RFX8: variants seen among roughly 807,000 people sequenced by gnomAD.
The protein encoded by RFX8 is DNA-binding protein RFX8.
Under a neutral mutation model 54.6 loss-of-function variants are expected in RFX8, and 46 were observed. That is an observed-to-expected ratio of 0.84 (90% CI 0.67 to 1.08). The LOEUF (loss-of-function observed/expected upper bound fraction) is 1.08, where lower values mean the gene tolerates loss of function less well. RFX8 is among the 50% of genes least tolerant of loss of function. RFX8 has a pLI of 0.00. For synonymous variants in RFX8, 192 were observed against 209.5 expected (o/e 0.92, Z 0.72); for missense variants, 536 against 562.3 (o/e 0.95, Z 0.47).
At chr2:101,410,894 G>A (rs746688877) in intron 8 of RFX8, among the ~76,000 whole-genome samples, 181 bp from the exon 9 acceptor site, 2 of 152,100 alleles carry the variant, frequency 1.3e-5, no homozygotes, top group African/African-American at 2.4e-5. Context: ...TCACTTCTGC[G>A]GTCATCTATT....
chr2:101,417,648 C>A lies in RFX8; in HGVS notation c.388G>T (p.Asp130Tyr). Residue 130 changes from aspartate (D) to tyrosine (Y), a missense_variant, in exon 6 of 12, where the codon GAT becomes TAT. Asp to Tyr is a radical substitution (Grantham distance 160, BLOSUM62 -3). Transcript: ENST00000428343. ...GATTTCAGGTACTGAATAGAAACAT[C>A]TTCCAAGAAGTCATGAAGGAGAACA... ...EDVLLHDFLE[D>Y]VSIQYLKSVQ... 6.5e-7 allele frequency: 1 copy of A among 1,550,204 alleles called. No individual in the cohort carries two copies. Among genetic ancestry groups the A allele is most frequent in the Non-Finnish European group, 8.7e-7 (1 of 1,146,472 alleles).
At chr2:101,469,999 G>A (rs1480224187) in intron 1 of RFX8, among the ~76,000 whole-genome samples, 3 of 152,104 alleles carry the variant, frequency 2.0e-5, no homozygotes, top group East Asian at 3.9e-4. Flanking sequence ...AAGCCAAATC[G>A]CAGAGACTGA....
rs1221541583 is a variant in RFX8 at position 101,412,997 on chromosome 2, T to C, written c.636A>G (p.Gln212=). The change falls in exon 8 of 12, where the codon CAA becomes CAG. Residue 212 remains glutamine, a synonymous_variant. Coordinates refer to ENST00000428343, the MANE Select transcript of RFX8 (RefSeq NM_001145664.2). ...CTTTCTTAGAAGTAGCCAAAGTGCC[T>C]TGATTGATGATGGCCTGTAGATCTG... ...LKSDLQAIIN[Q]GTLATSKKAL... 6.4e-7 allele frequency: 1 copy of C among 1,552,014 alleles called. No homozygotes were observed.
Position 101,466,762 on chromosome 2 carries a change from T to C in RFX8, c.72+15A>G. Reference sequence around the variant, plus strand: ...CACTCAGTGAATAGAGCGTTCTTAATCTTCAACAACTTACCTTCCCAAAGG... The same window carrying C: ...CACTCAGTGAATAGAGCGTTCTTAACCTTCAACAACTTACCTTCCCAAAGG... On this transcript the variant is annotated intron_variant, in intron 2 of 11. Transcript: ENST00000428343. 2 of 1,540,132 alleles carry C rather than the reference T, an allele frequency of 1.3e-6. No individual in the cohort carries two copies. The highest frequency in any genetic ancestry group is 2.4e-5 in the South Asian group (2 of 83,842).
At chr2:101,464,052 C>A (rs925936493) in intron 2 of RFX8, among the ~76,000 whole-genome samples, 35 of 152,178 alleles carry the variant, frequency 2.3e-4, no homozygotes, top group African/African-American at 8.0e-4. Context: ...TGAGGAAGAA[C>A]CAGCCACTGG....
intron 11 of RFX8, among the ~76,000 whole-genome samples, chr2:101,401,061 C>T (rs1488983958): frequency 2.6e-5 from 4 of 152,204 alleles, no homozygotes; most frequent in Non-Finnish European, 5.9e-5. Flanking sequence ...CTGCTGCATC[C>T]TTCATCGACC....
intron 2 of RFX8, among the ~76,000 whole-genome samples, chr2:101,465,034 G>A (rs1689497817): frequency 6.6e-6 from 1 of 152,114 alleles, no homozygotes; most frequent in Non-Finnish European, 1.5e-5. Flanking sequence ...TGATGAAATG[G>A]CAAAATATGA....
intron 2 of RFX8, among the ~76,000 whole-genome samples, chr2:101,433,026 C>T (rs1354571130): frequency 1.3e-5 from 2 of 151,696 alleles, no homozygotes; most frequent in East Asian, 1.9e-4. Context: ...GAGGGAAGGG[C>T]GGGGTCAGCT....
chr2:101,436,134 C>G (rs979453275), intron 2 of RFX8, among the ~76,000 whole-genome samples: 2 of 152,114 alleles, frequency 1.3e-5, no homozygotes, highest in African/African-American at 4.8e-5. Context: ...GTTCAGGGAC[C>G]TGGGAATCAG....
At chr2:101,459,734 A>G (rs987301852) in intron 2 of RFX8, among the ~76,000 whole-genome samples, 33 of 152,140 alleles carry the variant, frequency 2.2e-4, no homozygotes, top group African/African-American at 7.2e-4. Flanking sequence ...CAGAGCTTGA[A>G]TGCTGTGCTG....
At chr2:101,463,854 C>T (rs913724089) in intron 2 of RFX8, among the ~76,000 whole-genome samples, 15 of 152,154 alleles carry the variant, frequency 9.9e-5, no homozygotes, top group Admixed American at 9.8e-4. Context: ...GGCAAGATAC[C>T]AAGCTGGAGG....
chr2:101,419,023 C>T (rs1686703300), intron 4 of RFX8, 59 bp from the exon 5 acceptor site: 1 of 825,908 alleles, frequency 1.2e-6, no homozygotes, highest in South Asian at 1.6e-5. Flanking sequence ...AAGACTAACC[C>T]CCCGCCACAG....
At chr2:101,456,962 A>G (rs2148981226) in intron 2 of RFX8, among the ~76,000 whole-genome samples, 1 of 152,176 alleles carries the variant, frequency 6.6e-6, no homozygotes, top group South Asian at 2.1e-4. Flanking sequence ...GAATTTATCC[A>G]TTTCTTCTAG....
chr2:101,418,982 G>C lies in RFX8; in HGVS notation c.238-18C>G. 2.1e-6 allele frequency: 3 copies of C among 1,407,880 alleles called. No homozygotes were observed. The highest frequency in any genetic ancestry group is 2.9e-6 in the Non-Finnish European group (3 of 1,019,728). The allele number at this position is 1,407,880 out of a possible 1,614,324, so 87.2% of individuals were successfully genotyped here. A position where few individuals can be genotyped will look rare whatever the true frequency, so the allele number is the denominator to read the frequency against. The stretch of plus-strand genomic sequence containing the variant: ...TCCTCCACCTGGGGTAAGTAACAGA[G>C]CATATCGCCAAAACTCGTTTTCCAC... On this transcript the variant is annotated intron_variant, in intron 4 of 11. Transcript: ENST00000428343.
chr2:101,442,884 T>G (rs1688172374), intron 2 of RFX8, among the ~76,000 whole-genome samples: 1 of 152,054 alleles, frequency 6.6e-6, no homozygotes, highest in South Asian at 2.1e-4. Context: ...CGGAAGAGTG[T>G]CAGTCAGGCT....
Position 101,466,839 on chromosome 2 carries a change from T to A in RFX8, c.10A>T (p.Ile4Phe). Residue 4 changes from isoleucine (I) to phenylalanine (F), a missense_variant, in exon 2 of 12, where the codon ATT becomes TTT. Coordinates refer to ENST00000428343, the MANE Select transcript of RFX8 (RefSeq NM_001145664.2). ...TTTTGCCCACAGGTCTCCACGTAAATCTCATACATGAGACAGCGAGGGACG... is the reference window on the plus strand; with the variant it reads ...TTTTGCCCACAGGTCTCCACGTAAAACTCATACATGAGACAGCGAGGGACG... Reference protein sequence around the residue: MYEIYVETCGQNTE... With the variant: MYEFYVETCGQNTE... 1 of 1,551,358 alleles carries A rather than the reference T, an allele frequency of 6.4e-7. No individual in the cohort carries two copies. Among genetic ancestry groups the A allele is most frequent in the Non-Finnish European group, 8.7e-7 (1 of 1,146,672 alleles).
intron 2 of RFX8, among the ~76,000 whole-genome samples, chr2:101,433,448 TA>T (rs1558865451): frequency 1.3e-5 from 2 of 152,204 alleles, no homozygotes; most frequent in African/African-American, 2.4e-5. Context: ...TCAATTTGTC[TA>T]AAAAAAGTCA....
intron 1 of RFX8, among the ~76,000 whole-genome samples, chr2:101,469,258 G>T: frequency 6.7e-6 from 1 of 150,216 alleles, no homozygotes; most frequent in Non-Finnish European, 1.5e-5. Context: ...GGGCTCAAGG[G>T]ATCCTCCTGC....
chr2:101,473,379 G>A (rs373082385), intron 1 of RFX8, among the ~76,000 whole-genome samples: 26 of 152,250 alleles, frequency 1.7e-4, no homozygotes, highest in African/African-American at 6.3e-4. Flanking sequence ...ACTGAAAAAC[G>A]CTGTGTACTT....
Sources: gnomAD v4.1 joint callset for allele counts (sites outside exome capture counted in the v4.1 genomes callset) on GRCh38, gnomAD v4.1.1 for gene constraint, MANE v1.5 for transcripts, NCBI Gene and HGNC (gene_info 2026-07-23, HGNC 2026-07-21) for gene names.